CSMD1: variants seen among roughly 807,000 people sequenced by gnomAD.
CSMD1 encodes the protein CUB and Sushi multiple domains 1.
CSMD1 carries 213 observed loss-of-function variants against 417.5 expected under a neutral mutation model. The ratio of observed to expected loss-of-function variants is 0.51; its 90% CI spans 0.46 to 0.57. The LOEUF (loss-of-function observed/expected upper bound fraction) is 0.57. Ranked by LOEUF, CSMD1 falls within the 20% of genes least tolerant of loss-of-function variation. The probability of loss-of-function intolerance (pLI) is 0.00; values close to 1 mark genes in which losing one functional copy is unlikely to be tolerated. For missense variants in CSMD1, 6,923 were observed against 4,529.7 expected (o/e 1.53, Z -15.17); for synonymous variants, 2,862 against 1,736.8 (o/e 1.65, Z -16.11).
chr8:3,797,698 G>A (rs1027364148), intron 5 of CSMD1, among the ~76,000 whole-genome samples: 1 of 151,634 alleles, frequency 6.6e-6, no homozygotes, highest in African/African-American at 2.4e-5. Context: ...TCACCTTTTG[G>A]CTAATACAAA....
chr8:3,523,889 A>AG (rs1797629481), intron 10 of CSMD1, among the ~76,000 whole-genome samples: 1 of 150,978 alleles, frequency 6.6e-6, no homozygotes, highest in East Asian at 2.0e-4. Context: ...ACACATGCAC[A>AG]GAGACATATG....
chr8:3,534,700 T>C (rs1043887813), intron 10 of CSMD1, among the ~76,000 whole-genome samples: 4 of 152,218 alleles, frequency 2.6e-5, no homozygotes, highest in African/African-American at 9.6e-5. Context: ...TTTTTCATTC[T>C]TCTAGTCCCA....
chr8:3,459,376 G>T (rs1179123656), intron 12 of CSMD1, among the ~76,000 whole-genome samples: 7 of 152,136 alleles, frequency 4.6e-5, no homozygotes, highest in African/African-American at 1.4e-4. Context: ...GGAATCGCAC[G>T]GTGGATCCTT....
At chr8:4,225,400 A>C (rs756741186) in intron 3 of CSMD1, among the ~76,000 whole-genome samples, 4 of 152,098 alleles carry the variant, frequency 2.6e-5, no homozygotes, top group Non-Finnish European at 5.9e-5. Flanking sequence ...CTAGTTCGTA[A>C]GCCTCTAGAT....
intron 3 of CSMD1, among the ~76,000 whole-genome samples, chr8:4,198,007 T>C (rs1376721196): frequency 6.6e-6 from 1 of 152,224 alleles, no homozygotes; most frequent in Middle Eastern, 3.2e-3. Context: ...CTATCTTTCC[T>C]TAAGAGTTGG....
intron 19 of CSMD1, among the ~76,000 whole-genome samples, chr8:3,368,011 T>C (rs1008878343): frequency 3.3e-5 from 5 of 152,210 alleles, no homozygotes; most frequent in Non-Finnish European, 7.3e-5. Context: ...TAGATGCCCG[T>C]AAAGCATATG....
intron 5 of CSMD1, among the ~76,000 whole-genome samples, chr8:3,781,711 G>C (rs1799195337): frequency 6.6e-6 from 1 of 152,180 alleles, no homozygotes; most frequent in African/African-American, 2.4e-5. Flanking sequence ...GTTCTAGGGT[G>C]TCCCCATGTG....
At chr8:4,360,360 G>T (rs548192600) in intron 3 of CSMD1, among the ~76,000 whole-genome samples, 23 of 152,260 alleles carry the variant, frequency 1.5e-4, no homozygotes, top group African/African-American at 5.1e-4. Context: ...ATTAACACAT[G>T]CCTCTTTACC....
At chr8:4,199,760 C>G (rs1289879434) in intron 3 of CSMD1, among the ~76,000 whole-genome samples, 3 of 152,106 alleles carry the variant, frequency 2.0e-5, no homozygotes, top group Non-Finnish European at 2.9e-5. Flanking sequence ...TTTTCAAAAA[C>G]TGAAGACTCA....
chr8:4,063,979 T>C (rs1034108191), intron 3 of CSMD1, among the ~76,000 whole-genome samples: 5 of 152,070 alleles, frequency 3.3e-5, no homozygotes, highest in East Asian at 1.9e-4. Flanking sequence ...AGAGTGTGTG[T>C]TGGGAAAATG....
chr8:4,935,014 T>A (rs895464134), intron 1 of CSMD1, among the ~76,000 whole-genome samples: 1 of 152,228 alleles, frequency 6.6e-6, no homozygotes, highest in African/African-American at 2.4e-5. Flanking sequence ...TCTATACATA[T>A]CTATCTAGAA....
At chr8:2,970,761 C>T (rs978419182) in intron 57 of CSMD1, among the ~76,000 whole-genome samples, 1 of 152,052 alleles carries the variant, frequency 6.6e-6, no homozygotes, top group African/African-American at 2.4e-5. Flanking sequence ...CCAAAAGTCC[C>T]GAATGATAAA....
chr8:3,219,325 T>G lies in CSMD1; in HGVS notation c.4602A>C (p.Gly1534=). The change falls in exon 29 of 70, where the codon GGA becomes GGC. Residue 1534 remains glycine (G), a synonymous_variant. Coordinates refer to ENST00000635120, the MANE Select transcript of CSMD1 (RefSeq NM_033225.6). ...SQAPERIESS[G]NSLFLAFRSD... ...TCCGAAATGCCAGAAACAGGCTGTT[T>G]CCGCTACTCTCTATTCTTTCTGGGG... The G allele has an allele frequency of 6.3e-7, 1 of 1,586,296 alleles. No individual in the cohort carries two copies. Among genetic ancestry groups the G allele is most frequent in the Non-Finnish European group, 8.6e-7 (1 of 1,165,260 alleles).
chr8:4,347,271 C>T (rs561666625), intron 3 of CSMD1, among the ~76,000 whole-genome samples: 36 of 152,248 alleles, frequency 2.4e-4, no homozygotes, highest in Middle Eastern at 6.8e-3. Context: ...GGGGTAATCT[C>T]ACCTTGGCCC....
chr8:3,454,332 T>C (rs1414196570), intron 12 of CSMD1, among the ~76,000 whole-genome samples: 1 of 152,236 alleles, frequency 6.6e-6, no homozygotes, highest in Admixed American at 6.5e-5. Context: ...AATATTGTTA[T>C]GTGTGAATTT....
At chr8:3,057,832 G>T (rs1464836218) in intron 49 of CSMD1, among the ~76,000 whole-genome samples, 1 of 152,128 alleles carries the variant, frequency 6.6e-6, no homozygotes, top group African/African-American at 2.4e-5. Context: ...CTTCACTGAA[G>T]TTTTCATAAT....
chr8:3,330,036 G>C (rs1379163312), intron 23 of CSMD1, among the ~76,000 whole-genome samples: 1 of 152,180 alleles, frequency 6.6e-6, no homozygotes, highest in Non-Finnish European at 1.5e-5. Context: ...GACTGTATAA[G>C]AAGCTCAAGC....
intron 4 of CSMD1, among the ~76,000 whole-genome samples, chr8:4,026,043 G>T (rs768297868): frequency 6.6e-6 from 1 of 150,930 alleles, no homozygotes. Context: ...ACCAGTTCCT[G>T]CAAATAAATA....
intron 10 of CSMD1, among the ~76,000 whole-genome samples, chr8:3,567,469 G>C (rs887868089): frequency 7.9e-6 from 1 of 126,442 alleles, no homozygotes. Flanking sequence ...GACATAAAAA[G>C]TAAATAAAAA....
Sources: allele counts gnomAD v4.1 joint callset (sites outside exome capture counted in the v4.1 genomes callset), GRCh38; gene constraint gnomAD v4.1.1; transcripts MANE v1.5; gene names NCBI Gene and HGNC (gene_info 2026-07-23, HGNC 2026-07-21).